The following FGL2 variants were observed in gnomAD, a reference collection of about 807,000 sequenced individuals.
FGL2 encodes the protein fibrinogen like 2, also known as fibroleukin.
Under a neutral mutation model 36.0 loss-of-function variants are expected in FGL2, and 21 were observed. That is an observed-to-expected ratio of 0.58 (90% CI 0.41 to 0.84). The LOEUF is 0.84. Ranked by LOEUF, FGL2 falls within the 40% of genes least tolerant of loss-of-function variation. The probability of loss-of-function intolerance (pLI) is 0.00; values close to 1 mark genes in which losing one functional copy is unlikely to be tolerated. For synonymous variants in FGL2, 183 were observed against 190.7 expected, an observed-to-expected ratio of 0.96 and a Z score of 0.33; for missense variants, 444 against 526.3, an observed-to-expected ratio of 0.84 and a Z score of 1.53.
rs763305655 is a variant in FGL2, at chr7:77,196,366, A to C, written c.1233T>G (p.Pro411=). ...CACCAGGGTGTGCCTCACTTACACC[A>C]GGCCAGGTACCCCAGAAAATCCCAT... is the stretch of plus-strand genomic sequence containing the variant. The part of the protein sequence containing the change: ...VRNGIFWGTW[P]GVSEAHPGGY... Residue 411 remains proline, a synonymous_variant, in exon 2 of 2, where the codon CCT becomes CCG. Coordinates refer to ENST00000248598, the MANE Select transcript of FGL2 (RefSeq NM_006682.3). This position sits in a 1 kb window ranked among gnomAD's most constrained non-coding sequence, Gnocchi z 4.2. 2 of 1,614,174 alleles carry C rather than the reference A, an allele frequency of 1.2e-6. No individual in the cohort carries two copies. Among genetic ancestry groups the C allele is most frequent in the Admixed American group, 3.3e-5 (2 of 60,022 alleles).
rs1791949790 is a variant in FGL2 at position 77,199,735 on chromosome 7, A to G, written c.59T>C (p.Leu20Ser). The G allele has an allele frequency of 6.2e-7, 1 of 1,614,034 alleles. No homozygotes were observed. The highest frequency in any genetic ancestry group is 1.3e-5 in the African/African-American group (1 of 75,050). ...SSAVLATYGF[L>S]VVANNETEEI... ...CTCTGTTTCATTGTTTGCCACAACC[A>G]AAAAACCGTAAGTGGCAAGAACAGC... Residue 20 changes from leucine to serine, a missense_variant, in exon 1 of 2, where the codon TTG becomes TCG. Physicochemically the swap from Leu to Ser is moderately radical, Grantham distance 145. Transcript: ENST00000248598.
Position 77,196,080 on chromosome 7 carries a change from G to A in FGL2, c.*199C>T. On this transcript the variant is annotated 3_prime_UTR_variant, in exon 2 of 2. Transcript: ENST00000248598. The surrounding 1 kb of genome is among the most constrained non-coding windows in gnomAD (Gnocchi z 4.2). ...GCTAATTGCTTGCAAGTGTTCATTG[G>A]ATAACAGCATAACAACAAAGGACTC... 1 of 523,814 alleles carries A rather than the reference G, an allele frequency of 1.9e-6. No homozygotes were observed. Among genetic ancestry groups the A allele is most frequent in the Non-Finnish European group, 3.4e-6 (1 of 297,900 alleles). 32.4% of individuals were successfully genotyped at this position (523,814 alleles called of 1,614,324 possible).
At chr7:77,197,713 A>G (rs908581236) in intron 1 of FGL2, among the ~76,000 whole-genome samples, 1 of 152,216 alleles carries the variant, frequency 6.6e-6, no homozygotes, top group African/African-American at 2.4e-5. Context: ...TCACTTGACA[A>G]CTATATAAAG....
At position 77,196,636 on chromosome 7, in the gene FGL2, CACATAAA is replaced by C; in HGVS notation, c.956_962del (p.Phe319TrpfsTer33). The C allele has an allele frequency of 6.2e-7, 1 of 1,613,994 alleles. No individual in the cohort carries two copies. Among genetic ancestry groups the C allele is most frequent in the Non-Finnish European group, 8.5e-7 (1 of 1,179,898 alleles). Reference sequence around the variant, plus strand: ...AACGATATTTGAGAAACTCATTAGCCACATAAAACTGATCATACAAGGCATATAGTTC... The same window carrying C: ...AACGATATTTGAGAAACTCATTAGCCACTGATCATACAAGGCATATAGTTC... On this transcript the variant is annotated frameshift_variant, in exon 2 of 2. Coordinates refer to ENST00000248598, the MANE Select transcript of FGL2 (RefSeq NM_006682.3). LOFTEE classifies it high-confidence loss of function. This position sits in a 1 kb window ranked among gnomAD's most constrained non-coding sequence, Gnocchi z 4.2.
At position 77,195,360 on chromosome 7, in the gene FGL2, T is replaced by C. The variant is rs1791847574; in HGVS notation, c.*919A>G. The C allele has an allele frequency of 6.6e-6, 1 of 152,230 alleles. No homozygotes were observed. The highest frequency in any genetic ancestry group is 2.1e-4 in the South Asian group (1 of 4,834). The allele number at this position is 152,230 out of a possible 1,614,324, so 9.4% of individuals were successfully genotyped here. On this transcript the variant is annotated 3_prime_UTR_variant, in exon 2 of 2. Coordinates refer to ENST00000248598, the MANE Select transcript of FGL2 (RefSeq NM_006682.3). ...CTTCACAGTTACATTGCTTTCTGAA[T>C]GCTTTTTGGGGTGACATTATGCTAC...
chr7:77,197,291 C>T (rs965174226), intron 1 of FGL2, among the ~76,000 whole-genome samples: 4 of 152,220 alleles, frequency 2.6e-5, no homozygotes, highest in African/African-American at 9.6e-5. Flanking sequence ...GTGAGGCCTA[C>T]CTATACGTTC....
chr7:77,197,537 A>G (rs948854971), intron 1 of FGL2, among the ~76,000 whole-genome samples: 4 of 152,218 alleles, frequency 2.6e-5, no homozygotes, highest in African/African-American at 9.7e-5. Context: ...AGATGATTCT[A>G]ACTCTCCTAG....
At chr7:77,198,172 G>A in intron 1 of FGL2, 1 of 985,428 alleles carries the variant, frequency 1.0e-6, no homozygotes, top group Non-Finnish European at 1.2e-6. Flanking sequence ...TCAGATGCAG[G>A]CTGCCAGGAG....
In FGL2 at chr7:77,199,745, A is replaced by G; in HGVS notation, c.49T>C (p.Tyr17His). The change falls in exon 1 of 2, where the codon TAC (tyrosine) becomes CAC (histidine). Residue 17 changes from tyrosine to histidine, a missense_variant. Tyr to His is a moderately conservative substitution (Grantham distance 83). Coordinates refer to ENST00000248598, the MANE Select transcript of FGL2 (RefSeq NM_006682.3). ...TTGTTTGCCACAACCAAAAAACCGT[A>G]AGTGGCAAGAACAGCTGAGCTCAGC... is the stretch of plus-strand genomic sequence containing the variant. ...YWLSSAVLAT[Y>H]GFLVVANNET... The G allele has an allele frequency of 6.2e-7, 1 of 1,614,102 alleles. No individual in the cohort carries two copies.
rs1387292526 is a variant in FGL2 at position 77,194,891 on chromosome 7, G to T, written c.*1388C>A. 2 of 152,142 alleles carry T rather than the reference G, an allele frequency of 1.3e-5. No individual in the cohort carries two copies. The highest frequency in any genetic ancestry group is 2.4e-5 in the African/African-American group (1 of 41,512). The allele number at this position is 152,142 out of a possible 1,614,324, so 9.4% of individuals were successfully genotyped here. On this transcript the variant is annotated 3_prime_UTR_variant, in exon 2 of 2. Transcript: ENST00000248598. The stretch of plus-strand genomic sequence containing the variant: ...ATATTATATATAGCATTCCAGAATT[G>T]ATGAATTATAAAAATTACAGATACT...
In FGL2 at chr7:77,196,435, G is replaced by A. The variant is rs1319753312; in HGVS notation, c.1164C>T (p.Asn388=). ...TTTGGTGATAATATTTGCCATTTAA[G>A]TTTGCAGAAAGACATGCATCAAACC... ...GWWFDACLSA[N]LNGKYYHQKY... The change falls in exon 2 of 2, where the codon AAC becomes AAT. Residue 388 remains asparagine, a synonymous_variant. Transcript: ENST00000248598. The surrounding 1 kb of genome is among the most constrained non-coding windows in gnomAD (Gnocchi z 4.2). 8 of 1,614,142 alleles carry A rather than the reference G, an allele frequency of 5.0e-6. No individual in the cohort carries two copies. The South Asian group carries it at 7.7e-5, about 16-fold the overall frequency.
rs1791835916 is a variant in FGL2, at chr7:77,194,863, T to A, written c.*1416A>T. The A allele has an allele frequency of 6.6e-6, 1 of 152,160 alleles. No individual in the cohort carries two copies. Among genetic ancestry groups the A allele is most frequent in the Non-Finnish European group, 1.5e-5 (1 of 68,004 alleles). 9.4% of individuals were successfully genotyped at this position (152,160 alleles called of 1,614,324 possible). On this transcript the variant is annotated 3_prime_UTR_variant, in exon 2 of 2. Coordinates refer to ENST00000248598, the MANE Select transcript of FGL2 (RefSeq NM_006682.3). ...AATTAAACACATTTAAAAAGTCTTT[T>A]AAATATTATATATAGCATTCCAGAA...
rs999418233 is a variant in FGL2, at chr7:77,194,628, C to A, written c.*1651G>T. The A allele has an allele frequency of 1.5e-4, 23 of 152,030 alleles. No homozygotes were observed. The highest frequency in any genetic ancestry group is 5.3e-4 in the African/African-American group (22 of 41,432). The allele number at this position is 152,030 out of a possible 1,614,324, so 9.4% of individuals were successfully genotyped here. On this transcript the variant is annotated 3_prime_UTR_variant, in exon 2 of 2. Transcript: ENST00000248598. ...ACCTGAAGCAACTATCCTCCTTAAT[C>A]ATTTTAAAATAATGGGTAAAGATGC...
chr7:77,199,565 C>G lies in FGL2; in HGVS notation c.229G>C (p.Glu77Gln). Reference protein sequence around the residue: ...QLPKQFSRIEEVFKEVQNLKE... With the variant: ...QLPKQFSRIEQVFKEVQNLKE... ...AGGTTTTGGACTTCTTTGAACACCT[C>G]CTCGATCCTGCTGAATTGCTTCGGG... Residue 77 changes from glutamate (E) to glutamine (Q), a missense_variant, in exon 1 of 2, where the codon GAG becomes CAG. Transcript: ENST00000248598. 2 of 1,614,168 alleles carry G rather than the reference C, an allele frequency of 1.2e-6. No individual in the cohort carries two copies. The highest frequency in any genetic ancestry group is 1.7e-6 in the Non-Finnish European group (2 of 1,180,016).
chr7:77,198,004 G>C (rs1384961465), intron 1 of FGL2: 2 of 345,300 alleles, frequency 5.8e-6, no homozygotes, highest in Non-Finnish European at 8.2e-6. Context: ...TGTATATTTA[G>C]AGCTCAGAAT....
At position 77,199,187 on chromosome 7, in the gene FGL2, G is replaced by A. The variant is rs753178187; in HGVS notation, c.607C>T (p.Arg203Cys). 5.0e-6 allele frequency: 8 copies of A among 1,612,518 alleles called. No homozygotes were observed. Among genetic ancestry groups the A allele is most frequent in the Admixed American group, 1.7e-5 (1 of 59,900 alleles). ...KCPSQEQIQS[R>C]PVQHLIYKDC... ...AAAACATTATTATACATACCTGGACGTGACTGTATTTGTTCTTGGCTGGGA... is the reference window on the plus strand; with the variant it reads ...AAAACATTATTATACATACCTGGACATGACTGTATTTGTTCTTGGCTGGGA... The change falls in exon 1 of 2, where the codon CGT (arginine) becomes TGT (cysteine). Residue 203 changes from arginine to cysteine, a missense_variant. Transcript: ENST00000248598.
rs139205757 is a variant in FGL2, at chr7:77,199,766, T to C, written c.28A>G (p.Ser10Gly). 10 of 1,613,998 alleles carry C rather than the reference T, an allele frequency of 6.2e-6. No homozygotes were observed. Among genetic ancestry groups the C allele is most frequent in the Admixed American group, 3.3e-5 (2 of 59,990 alleles). The change falls in exon 1 of 2, where the codon AGC (serine) becomes GGC (glycine). Residue 10 changes from serine to glycine, a missense_variant. Coordinates refer to ENST00000248598, the MANE Select transcript of FGL2 (RefSeq NM_006682.3). ...CCGTAAGTGGCAAGAACAGCTGAGCTCAGCCAGTACCAGTTAGCCAGCTTC... is the reference window on the plus strand; with the variant it reads ...CCGTAAGTGGCAAGAACAGCTGAGCCCAGCCAGTACCAGTTAGCCAGCTTC... The part of the protein sequence containing the change: MKLANWYWL[S>G]SAVLATYGFL...
In FGL2 at chr7:77,196,046, C is replaced by A; in HGVS notation, c.*233G>T. ...AGAATTGTAAATCTAATGTATAATTCTCAATATTGCTAATTGCTTGCAAGT... is the reference window on the plus strand; with the variant it reads ...AGAATTGTAAATCTAATGTATAATTATCAATATTGCTAATTGCTTGCAAGT... On this transcript the variant is annotated 3_prime_UTR_variant, in exon 2 of 2. Transcript: ENST00000248598. This position sits in a 1 kb window ranked among gnomAD's most constrained non-coding sequence, Gnocchi z 4.2. The A allele has an allele frequency of 2.1e-6, 1 of 465,656 alleles. No homozygotes were observed. Among genetic ancestry groups the A allele is most frequent in the Non-Finnish European group, 3.8e-6 (1 of 264,944 alleles). 28.8% of individuals were successfully genotyped at this position (465,656 alleles called of 1,614,324 possible). A position where few individuals can be genotyped will look rare whatever the true frequency, so the allele number is the denominator to read the frequency against.
intron 1 of FGL2, chr7:77,198,292 C>A: frequency 1.0e-6 from 1 of 985,366 alleles, no homozygotes; most frequent in Non-Finnish European, 1.2e-6. Context: ...TGATCTCCGC[C>A]CTGTCCTTTC....
Sources: allele counts gnomAD v4.1 joint callset (sites outside exome capture counted in the v4.1 genomes callset), GRCh38; gene constraint gnomAD v4.1.1; non-coding constraint Gnocchi (gnomAD v3.1); transcripts MANE v1.5; gene names NCBI Gene and HGNC (gene_info 2026-07-23, HGNC 2026-07-21).